Variants in FAM180A observed in about 807,000 individuals in gnomAD.
FAM180A encodes protein FAM180A.
A neutral mutation model predicts 15.3 loss-of-function variants in FAM180A; 14 were observed. The ratio of observed to expected loss-of-function variants is 0.92; its 90% CI spans 0.61 to 1.43. The LOEUF is 1.43. FAM180A is among the 40% of genes most tolerant of loss of function. The pLI is 0.00. For synonymous variants in FAM180A, 90 were observed against 96.8 expected, an observed-to-expected ratio of 0.93 and a Z score of 0.41; for missense variants, 200 against 220.8, an observed-to-expected ratio of 0.91 and a Z score of 0.60.
intron 2 of FAM180A, among the ~76,000 whole-genome samples, chr7:135,735,140 T>C (rs1796853646): frequency 6.6e-6 from 1 of 152,154 alleles, no homozygotes; most frequent in African/African-American, 2.4e-5. Context: ...TGACCTCAGA[T>C]GATCCACCAG....
intron 1 of FAM180A, among the ~76,000 whole-genome samples, chr7:135,738,130 C>G (rs61551642): frequency 0.062 from 9,393 of 152,234 alleles, 935 homozygotes; most frequent in African/African-American, 0.21. Context: ...GACCCAGGCC[C>G]TTGGATCTAG....
chr7:135,748,406 A>T (rs1797061292), intron 1 of FAM180A, 99 bp downstream of exon 1: 1 of 867,278 alleles, frequency 1.2e-6, no homozygotes, highest in Non-Finnish European at 1.9e-6. Flanking sequence ...AGACAAAAGG[A>T]GAGTGCGGGG....
At chr7:135,737,327 C>T (rs1796886306) in intron 1 of FAM180A, 128 bp from the exon 2 acceptor site, 2 of 686,178 alleles carry the variant, frequency 2.9e-6, no homozygotes, top group Admixed American at 3.3e-5. Context: ...TGGCTCATGC[C>T]TCTAATTCCA....
chr7:135,747,224 G>C (rs1797043009), intron 1 of FAM180A, among the ~76,000 whole-genome samples: 1 of 152,148 alleles, frequency 6.6e-6, no homozygotes, highest in Admixed American at 6.5e-5. Context: ...GATGTGACGT[G>C]CCTGTATCAA....
chr7:135,744,536 G>T (rs1205589175), intron 1 of FAM180A, among the ~76,000 whole-genome samples: 1 of 152,170 alleles, frequency 6.6e-6, no homozygotes, highest in Non-Finnish European at 1.5e-5. Context: ...CAGGGTCTCG[G>T]CCCTGTGCGT....
chr7:135,739,549 T>C (rs1008935692), intron 1 of FAM180A, among the ~76,000 whole-genome samples: 13 of 151,900 alleles, frequency 8.6e-5, no homozygotes, highest in African/African-American at 2.9e-4. Context: ...GAGGCGGAGC[T>C]TGCAGTGAGC....
chr7:135,745,046 CCTT>C (rs1436702791), intron 1 of FAM180A, among the ~76,000 whole-genome samples: 3 of 152,150 alleles, frequency 2.0e-5, no homozygotes, highest in Non-Finnish European at 4.4e-5. Flanking sequence ...ACCACCTTAA[CCTT>C]CTGAGTAGCT....
chr7:135,735,662 TC>T (rs888723006), intron 2 of FAM180A, among the ~76,000 whole-genome samples: 2 of 152,210 alleles, frequency 1.3e-5, no homozygotes, highest in Non-Finnish European at 2.9e-5. Context: ...TTGAAATCTC[TC>T]CCCCTGGCTT....
At chr7:135,742,958 G>A (rs1305285569) in intron 1 of FAM180A, among the ~76,000 whole-genome samples, 5 of 152,236 alleles carry the variant, frequency 3.3e-5, no homozygotes, top group Non-Finnish European at 7.3e-5. Context: ...TCACTGATAA[G>A]TGAACAATGC....
chr7:135,735,247 A>G (rs1018792615), intron 2 of FAM180A, among the ~76,000 whole-genome samples: 1 of 152,236 alleles, frequency 6.6e-6, no homozygotes, highest in Non-Finnish European at 1.5e-5. Flanking sequence ...AGCTCTTGGA[A>G]AAGTCAAGAA....
At chr7:135,731,298 T>C (rs1345394537) in intron 3 of FAM180A, among the ~76,000 whole-genome samples, 1 of 152,104 alleles carries the variant, frequency 6.6e-6, no homozygotes, top group Non-Finnish European at 1.5e-5. Context: ...GTACAAACTG[T>C]GAAGATAGGC....
chr7:135,737,861 T>A (rs1389285584), intron 1 of FAM180A, among the ~76,000 whole-genome samples: 3 of 152,226 alleles, frequency 2.0e-5, no homozygotes, highest in African/African-American at 7.2e-5. Flanking sequence ...GAAATTTATA[T>A]TAAACCAAAG....
In FAM180A at chr7:135,730,278, A is replaced by G; in HGVS notation, c.*333T>C. ...GATCCTGGGCCAGGCACGGTGGCTC[A>G]CGCCTGTAATCCTAGCATTTTGGGA... On this transcript the variant is annotated 3_prime_UTR_variant, in exon 4 of 4. Coordinates refer to ENST00000338588, the MANE Select transcript of FAM180A (RefSeq NM_205855.4). 1.0e-6 allele frequency: 1 copy of G among 985,098 alleles called. No individual in the cohort carries two copies. The highest frequency in any genetic ancestry group is 1.2e-6 in the Non-Finnish European group (1 of 829,594). 61.0% of individuals were successfully genotyped at this position (985,098 alleles called of 1,614,324 possible). A position where few individuals can be genotyped will look rare whatever the true frequency, so the allele number is the denominator to read the frequency against.
intron 1 of FAM180A, among the ~76,000 whole-genome samples, chr7:135,740,447 A>T (rs1187337669): frequency 6.6e-6 from 1 of 152,114 alleles, no homozygotes; most frequent in Non-Finnish European, 1.5e-5. Flanking sequence ...CCTTGACTAG[A>T]CATTCGATTC....
chr7:135,737,586 C>CAAAAAAAA (rs35378393), intron 1 of FAM180A, among the ~76,000 whole-genome samples: 1 of 82,384 alleles, frequency 1.2e-5, no homozygotes, highest in Non-Finnish European at 2.3e-5. Context: ...GACTCCATGT[C>CAAAAAAAA]AAAAAAAAAA....
At chr7:135,742,293 T>C (rs1047177427) in intron 1 of FAM180A, among the ~76,000 whole-genome samples, 1 of 152,198 alleles carries the variant, frequency 6.6e-6, no homozygotes, top group African/African-American at 2.4e-5. Context: ...CAATGTACAG[T>C]CACTCCAAGA....
At chr7:135,747,548 T>C (rs1797048297) in intron 1 of FAM180A, among the ~76,000 whole-genome samples, 1 of 152,068 alleles carries the variant, frequency 6.6e-6, no homozygotes, top group South Asian at 2.1e-4. Context: ...CTCGCGCTGC[T>C]CTATCCCCAC....
intron 1 of FAM180A, among the ~76,000 whole-genome samples, chr7:135,741,325 A>G (rs190526789): frequency 1.1e-4 from 17 of 152,272 alleles, no homozygotes; most frequent in Admixed American, 1.0e-3. Flanking sequence ...GGGAATGGCT[A>G]TTGCTTTAAA....
chr7:135,732,128 A>G (rs1796792054), intron 3 of FAM180A, among the ~76,000 whole-genome samples: 1 of 152,238 alleles, frequency 6.6e-6, no homozygotes, highest in South Asian at 2.1e-4. Context: ...GGCAATGGCC[A>G]GCTAAGAAAG....
Sources: gnomAD v4.1 joint callset for allele counts (sites outside exome capture counted in the v4.1 genomes callset) on GRCh38, gnomAD v4.1.1 for gene constraint, MANE v1.5 for transcripts, NCBI Gene and HGNC (gene_info 2026-07-23, HGNC 2026-07-21) for gene names.